HSPA9: variants seen among roughly 807,000 people sequenced by gnomAD.
The protein encoded by HSPA9 is stress-70 protein, mitochondrial.
A neutral mutation model predicts 81.5 loss-of-function variants in HSPA9; 28 were observed. The observed-to-expected ratio is 0.34, with a 90% confidence interval of 0.25 to 0.47. The LOEUF is 0.47. Ranked by LOEUF, HSPA9 falls within the 20% of genes least tolerant of loss-of-function variation. The probability of loss-of-function intolerance (pLI) is 1.00; values close to 1 mark genes in which losing one functional copy is unlikely to be tolerated. For missense variants in HSPA9, 678 were observed against 838.0 expected (o/e 0.81, Z 2.36); for synonymous variants, 293 against 290.4 (o/e 1.01, Z -0.09).
chr5:138,561,604 C>G lies in HSPA9; in HGVS notation c.1158G>C (p.Val386=). The G allele has an allele frequency of 6.2e-7, 1 of 1,613,496 alleles. No homozygotes were observed. The highest frequency in any genetic ancestry group is 8.5e-7 in the Non-Finnish European group (1 of 1,179,994). The part of the protein sequence containing the change: ...SKSDIGEVIL[V]GGMTRMPKVQ... The stretch of plus-strand genomic sequence containing the variant: ...CCTTGGGCATCCTAGTCATGCCACC[C>G]ACAAGAATCACTTCTCCTATGTCAC... The change falls in exon 10 of 17, where the codon GTG becomes GTC. Residue 386 remains valine (V), a synonymous_variant. Transcript: ENST00000297185.
intron 13 of HSPA9, 136 bp downstream of exon 13, chr5:138,557,733 T>C: frequency 5.1e-6 from 4 of 779,716 alleles, no homozygotes; most frequent in South Asian, 4.2e-5. Flanking sequence ...CAGTGCCTGT[T>C]TGTGGGGAAT....
intron 9 of HSPA9, among the ~76,000 whole-genome samples, chr5:138,564,893 G>C (rs1750731487): frequency 6.6e-6 from 1 of 152,012 alleles, no homozygotes; most frequent in South Asian, 2.1e-4. Context: ...GCAATACAAG[G>C]GGGACTTGAA....
At chr5:138,561,369 G>A (rs539239784) in intron 10 of HSPA9, among the ~76,000 whole-genome samples, 4 of 151,874 alleles carry the variant, frequency 2.6e-5, no homozygotes, top group South Asian at 2.1e-4. Flanking sequence ...TCAGCCTCCC[G>A]AAGTGTTGGG....
rs140945414 is a variant in HSPA9 at position 138,573,601 on chromosome 5, C to T, written c.228+162G>A. On this transcript the variant is annotated intron_variant, in intron 3 of 16. Coordinates refer to ENST00000297185, the MANE Select transcript of HSPA9 (RefSeq NM_004134.7). ...GGCAGAGGTTGCAGTGAGCGGAGAC[C>T]GTGCCACTGCACTCCACCATGGGCT... Among the ~76,000 whole-genome samples, 13 of 129,416 alleles carry T rather than the reference C, an allele frequency of 1.0e-4. No homozygotes were observed. The East Asian group carries it at 2.3e-3, about 23-fold the overall frequency. 84.9% of individuals were successfully genotyped at this position (129,416 alleles called of 152,430 possible).
chr5:138,561,820 C>T (rs372317392), intron 9 of HSPA9, 31 bp from the exon 10 acceptor site: 8 of 1,506,892 alleles, frequency 5.3e-6, no homozygotes, highest in Admixed American at 5.0e-5. Context: ...TGCATGTCAG[C>T]GAGCAGGCCA....
At chr5:138,557,106 A>C in intron 14 of HSPA9, 1 of 605,940 alleles carries the variant, frequency 1.7e-6, no homozygotes, top group Non-Finnish European at 2.9e-6. Context: ...TGCAAACATA[A>C]GGTATAAACA....
chr5:138,574,677 C>T (rs1014541378), intron 1 of HSPA9: 11 of 163,096 alleles, frequency 6.7e-5, no homozygotes, highest in African/African-American at 1.9e-4. Context: ...AAGCATTTGT[C>T]TTTTATTTTA....
chr5:138,571,812 T>TTGTGTGTGTGTG lies in HSPA9; in HGVS notation c.229-683_229-672dup, dbSNP rs10694028. Among the ~76,000 whole-genome samples, 449 of 146,270 alleles carry TTGTGTGTGTGTG rather than the reference T, an allele frequency of 3.1e-3. 2 individuals carry two copies. The highest frequency in any genetic ancestry group is 8.5e-3 in the East Asian group (41 of 4,850). ...TGCCTGCCACCACACCCAACTAATT[T>TTGTGTGTGTGTG]TGTGTGTGTGTGTGTGTGTGTGTAC... is the stretch of plus-strand genomic sequence containing the variant. On this transcript the variant is annotated intron_variant, in intron 3 of 16. Coordinates refer to ENST00000297185, the MANE Select transcript of HSPA9 (RefSeq NM_004134.7).
chr5:138,561,305 T>C (rs1358842198), intron 10 of HSPA9, among the ~76,000 whole-genome samples: 1 of 152,062 alleles, frequency 6.6e-6, no homozygotes, highest in Non-Finnish European at 1.5e-5. Context: ...TAATTTTTCA[T>C]ACATACATAC....
At chr5:138,566,511 A>G (rs1750765826) in intron 9 of HSPA9, 115 bp downstream of exon 9, 7 of 812,382 alleles carry the variant, frequency 8.6e-6, no homozygotes, top group Non-Finnish European at 1.5e-5. Flanking sequence ...AACTGAAAAA[A>G]CAAACAAACA....
At position 138,568,908 on chromosome 5, in the gene HSPA9, G is replaced by A; in HGVS notation, c.535+17C>T. ...TTGTTCTTAGAACTTTCCCAGATGTGAACTAAACCCACTCACCTGCAGTCT... is the reference window on the plus strand; with the variant it reads ...TTGTTCTTAGAACTTTCCCAGATGTAAACTAAACCCACTCACCTGCAGTCT... On this transcript the variant is annotated intron_variant, in intron 5 of 16. Coordinates refer to ENST00000297185, the MANE Select transcript of HSPA9 (RefSeq NM_004134.7). 6.2e-7 allele frequency: 1 copy of A among 1,612,998 alleles called. No individual in the cohort carries two copies. Among genetic ancestry groups the A allele is most frequent in the Admixed American group, 1.7e-5 (1 of 59,998 alleles).
chr5:138,556,399 G>T, intron 16 of HSPA9, 53 bp downstream of exon 16: 1 of 1,598,290 alleles, frequency 6.3e-7, no homozygotes, highest in Non-Finnish European at 8.5e-7. Context: ...CAGTCATCAA[G>T]AACAGTTCCA....
chr5:138,559,520 T>C (rs1750607736), intron 11 of HSPA9, among the ~76,000 whole-genome samples: 1 of 152,102 alleles, frequency 6.6e-6, no homozygotes. Flanking sequence ...CTAAGTCTGG[T>C]CCAGACTACC....
Position 138,570,976 on chromosome 5 carries a change from C to T in HSPA9, c.394G>A (p.Glu132Lys), listed in dbSNP as rs1234138306. Residue 132 changes from glutamate (E) to lysine (K), a missense_variant, in exon 4 of 17, where the codon GAA becomes AAA. Physicochemically the swap from Glu to Lys is moderately conservative, Grantham distance 56. Transcript: ENST00000297185. ...GTTACTCACATGTCTTTCTGTACTT[C>T]AGGATCATCATATCGCCGGCCAATG... ...RLIGRRYDDP[E>K]VQKDIKNVPF... 6.2e-7 allele frequency: 1 copy of T among 1,614,118 alleles called. No individual in the cohort carries two copies. The highest frequency in any genetic ancestry group is 1.7e-5 in the Admixed American group (1 of 60,002).
intron 9 of HSPA9, 137 bp from the exon 10 acceptor site, chr5:138,561,926 G>A: frequency 2.7e-6 from 2 of 734,180 alleles, no homozygotes; most frequent in South Asian, 1.5e-5. Flanking sequence ...TAATTTAAAT[G>A]AATAGTCACC....
chr5:138,573,667 AAGC>A, intron 3 of HSPA9, 93 bp downstream of exon 3: 3 of 604,526 alleles, frequency 5.0e-6, no homozygotes, highest in Admixed American at 2.9e-5. Context: ...AAAAAAAAAA[AAGC>A]GCAAATCAGG....
At position 138,561,746 on chromosome 5, in the gene HSPA9, G is replaced by T. The variant is rs1349212181; in HGVS notation, c.1016C>A (p.Pro339His). 6.2e-7 allele frequency: 1 copy of T among 1,614,076 alleles called. No homozygotes were observed. Among genetic ancestry groups the T allele is most frequent in the Non-Finnish European group, 8.5e-7 (1 of 1,179,980 alleles). ...LPYLTMDSSG[P>H]KHLNMKLTRA... ...GGTCAACTTCATATTCAAATGCTTG[G>T]GTCCAGAAGAATCCATTGTAAGATA... Residue 339 changes from proline to histidine, a missense_variant, in exon 10 of 17, where the codon CCC becomes CAC. Physicochemically the swap from Pro to His is moderately conservative, Grantham distance 77 (BLOSUM62 -2). Around this residue, in one of 4 missense-constraint regions of HSPA9, gnomAD observed 484 missense variants for 647.5 expected, o/e 0.75. Transcript: ENST00000297185.
In HSPA9 at chr5:138,556,925, T is replaced by G. The variant is rs768180096; in HGVS notation, c.1729-59A>C. On this transcript the variant is annotated intron_variant, in intron 14 of 16. Coordinates refer to ENST00000297185, the MANE Select transcript of HSPA9 (RefSeq NM_004134.7). ...CCAATCAACCAAAGTTTGCTGAATG[T>G]CTATACTCAGACAATAAGCTATGTG... is the stretch of plus-strand genomic sequence containing the variant. 1.2e-4 allele frequency: 139 copies of G among 1,138,524 alleles called. 1 individual carries two copies. The highest frequency in any genetic ancestry group is 2.0e-4 in the Middle Eastern group (1 of 5,052). The allele number at this position is 1,138,524 out of a possible 1,614,324, so 70.5% of individuals were successfully genotyped here.
rs1750491708 is a variant in HSPA9 at position 138,555,147 on chromosome 5, TCAAA to T, written c.*886_*889del. On this transcript the variant is annotated 3_prime_UTR_variant, in exon 17 of 17. Transcript: ENST00000297185. ...GTCTAAGGGGAGAAAATAAAATCCT[TCAAA>T]CAAGATTTGCACATGCTGATACTGC... The T allele has an allele frequency of 6.6e-6, 1 of 152,134 alleles. No individual in the cohort carries two copies. Among genetic ancestry groups the T allele is most frequent in the African/African-American group, 2.4e-5 (1 of 41,416 alleles). The allele number at this position is 152,134 out of a possible 1,614,324, so 9.4% of individuals were successfully genotyped here.
Sources: allele counts gnomAD v4.1 joint callset (sites outside exome capture counted in the v4.1 genomes callset), GRCh38; gene constraint gnomAD v4.1.1; regional missense constraint gnomAD v4.1.1; transcripts MANE v1.5; gene names NCBI Gene and HGNC (gene_info 2026-07-23, HGNC 2026-07-21).